ZNF521: variants seen among roughly 807,000 people sequenced by gnomAD.
ZNF521 encodes zinc finger protein 521, also known as LYST-interacting protein 3.
In ZNF521, 14 loss-of-function variants were observed where a neutral mutation model predicts 105.5. The observed-to-expected ratio is 0.13, with a 90% CI of 0.09 to 0.21. The LOEUF (loss-of-function observed/expected upper bound fraction) is 0.21, where lower values mean the gene tolerates loss of function less well. Ranked by LOEUF, ZNF521 falls within the 10% of genes least tolerant of loss-of-function variation. ZNF521 has a pLI of 1.00. For synonymous variants in ZNF521, 635 were observed against 606.0 expected (o/e 1.05, Z -0.70); for missense variants, 1,233 against 1,629.7 (o/e 0.76, Z 4.19).
At chr18:25,329,605 G>T (rs114462779) in intron 2 of ZNF521, among the ~76,000 whole-genome samples, 1,703 of 152,296 alleles carry the variant, frequency 0.011, 30 homozygotes, top group African/African-American at 0.036. Context: ...CAAAATGGGG[G>T]CGAGGGAGGG....
intron 4 of ZNF521, among the ~76,000 whole-genome samples, chr18:25,215,375 T>C (rs963632316): frequency 6.6e-6 from 1 of 152,188 alleles, no homozygotes; most frequent in African/African-American, 2.4e-5. Context: ...ATCTACATCA[T>C]GTGGTAGGTA....
intron 7 of ZNF521, among the ~76,000 whole-genome samples, chr18:25,069,706 TC>T (rs1567947516): frequency 6.6e-6 from 1 of 152,242 alleles, no homozygotes; most frequent in Non-Finnish European, 1.5e-5. Flanking sequence ...TACAGTATTT[TC>T]CCTAAGTGCT....
chr18:25,156,335 T>C (rs969400471), intron 5 of ZNF521, among the ~76,000 whole-genome samples: 1 of 152,336 alleles, frequency 6.6e-6, no homozygotes, highest in East Asian at 1.9e-4. Context: ...TTCTATGAAC[T>C]TCCCACAGTG....
intron 3 of ZNF521, among the ~76,000 whole-genome samples, chr18:25,271,001 A>C (rs1909622880): frequency 6.6e-6 from 1 of 152,220 alleles, no homozygotes; most frequent in South Asian, 2.1e-4. Context: ...GTTTGCTATT[A>C]CATGAATGTA....
chr18:25,170,653 A>G (rs1356696330), intron 5 of ZNF521, among the ~76,000 whole-genome samples: 3 of 152,106 alleles, frequency 2.0e-5, no homozygotes, highest in Non-Finnish European at 2.9e-5. Flanking sequence ...AGTGACACCC[A>G]ATTTGATCTC....
intron 5 of ZNF521, among the ~76,000 whole-genome samples, chr18:25,136,032 CAG>C (rs2034727523): frequency 6.6e-6 from 1 of 151,982 alleles, no homozygotes; most frequent in African/African-American, 2.4e-5. Flanking sequence ...TTAAAGTAGA[CAG>C]AAATATTCCC....
At chr18:25,189,160 G>T (rs79879712) in intron 5 of ZNF521, among the ~76,000 whole-genome samples, 6,482 of 152,182 alleles carry the variant, frequency 0.043, 184 homozygotes, top group South Asian at 0.067. Context: ...CTTCCTCCAA[G>T]AAGTCATTTT....
Position 25,284,901 on chromosome 18 carries a change from T to TGC in ZNF521, c.220+37105_220+37106dup, listed in dbSNP as rs34702394. 3.7e-3 allele frequency among the ~76,000 whole-genome samples: 534 copies of TGC among 146,288 alleles called. 2 individuals are homozygous for TGC. The highest frequency in any genetic ancestry group is 9.8e-3 in the African/African-American group (375 of 38,222). ...GAGACTACACAAACACTCATGTGCG[T>TGC]GCGCGCGCGCACACACACACACACA... is the stretch of plus-strand genomic sequence containing the variant. On this transcript the variant is annotated intron_variant, in intron 3 of 7. Coordinates refer to ENST00000361524, the MANE Select transcript of ZNF521 (RefSeq NM_015461.3).
intron 5 of ZNF521, among the ~76,000 whole-genome samples, chr18:25,103,444 C>T (rs1320543210): frequency 2.0e-5 from 3 of 152,078 alleles, no homozygotes; most frequent in South Asian, 2.1e-4. Context: ...GATCATTCCC[C>T]GATATAGTGT....
At chr18:25,139,686 C>T (rs1275566262) in intron 5 of ZNF521, among the ~76,000 whole-genome samples, 1 of 152,124 alleles carries the variant, frequency 6.6e-6, no homozygotes, top group Non-Finnish European at 1.5e-5. Context: ...CAAGTTCTTT[C>T]TTTGGAACCT....
At chr18:25,257,356 G>A (rs1367955214) in intron 3 of ZNF521, among the ~76,000 whole-genome samples, 2 of 152,108 alleles carry the variant, frequency 1.3e-5, no homozygotes, top group Non-Finnish European at 2.9e-5. Context: ...TTTTAGTAGT[G>A]AGACCCCTGG....
intron 3 of ZNF521, among the ~76,000 whole-genome samples, chr18:25,298,734 G>C (rs1485228078): frequency 6.6e-6 from 1 of 151,146 alleles, no homozygotes; most frequent in East Asian, 1.9e-4. Flanking sequence ...GCTAGTATTA[G>C]AATTAGTATG....
At chr18:25,102,360 AG>A (rs1444246967) in intron 5 of ZNF521, among the ~76,000 whole-genome samples, 17 of 152,222 alleles carry the variant, frequency 1.1e-4, no homozygotes, top group African/African-American at 3.9e-4. Flanking sequence ...ATTGAGGAGA[AG>A]CAAGCAACGA....
chr18:25,347,223 T>C (rs900240092), intron 2 of ZNF521, among the ~76,000 whole-genome samples: 3 of 152,106 alleles, frequency 2.0e-5, no homozygotes, highest in Non-Finnish European at 4.4e-5. Context: ...TTGAGACAAA[T>C]ATCCAAATAA....
At chr18:25,238,792 G>A (rs905713327) in intron 3 of ZNF521, among the ~76,000 whole-genome samples, 25 of 152,124 alleles carry the variant, frequency 1.6e-4, no homozygotes, top group African/African-American at 6.0e-4. Flanking sequence ...ATCACTAGCA[G>A]ACCAACTGCT....
intron 3 of ZNF521, among the ~76,000 whole-genome samples, chr18:25,255,277 T>C (rs1252018756): frequency 2.0e-5 from 3 of 152,234 alleles, no homozygotes; most frequent in East Asian, 3.9e-4. Flanking sequence ...AACAGCTACT[T>C]TCACTATTCT....
intron 5 of ZNF521, among the ~76,000 whole-genome samples, chr18:25,192,821 G>A (rs1282766281): frequency 6.6e-6 from 1 of 152,006 alleles, no homozygotes; most frequent in African/African-American, 2.4e-5. Context: ...CTAAAAAGGG[G>A]TATCTTAGCC....
At chr18:25,325,952 G>T (rs996429597) in intron 2 of ZNF521, among the ~76,000 whole-genome samples, 1 of 152,054 alleles carries the variant, frequency 6.6e-6, no homozygotes, top group African/African-American at 2.4e-5. Context: ...GCTATAACTT[G>T]CTTTAATAAA....
chr18:25,337,566 A>C (rs1000493159), intron 2 of ZNF521, among the ~76,000 whole-genome samples: 2 of 152,242 alleles, frequency 1.3e-5, no homozygotes, highest in African/African-American at 2.4e-5. Flanking sequence ...AATGCTAATT[A>C]AAATGTCAAT....
Sources: gnomAD v4.1 joint callset for allele counts (sites outside exome capture counted in the v4.1 genomes callset) on GRCh38, gnomAD v4.1.1 for gene constraint, MANE v1.5 for transcripts, NCBI Gene and HGNC (gene_info 2026-07-23, HGNC 2026-07-21) for gene names.